The following APOBEC3D variants were observed in gnomAD, a reference collection of about 807,000 sequenced individuals.
The protein encoded by APOBEC3D is apolipoprotein B mRNA editing enzyme catalytic subunit 3D.
APOBEC3D carries 37 observed loss-of-function variants against 45.6 expected under a neutral mutation model. The ratio of observed to expected loss-of-function variants is 0.81; its 90% CI spans 0.62 to 1.07. APOBEC3D has a LOEUF of 1.07. APOBEC3D is among the 50% of genes least tolerant of loss of function. The pLI, the probability that APOBEC3D is intolerant of heterozygous loss-of-function variation, is 0.00. For synonymous variants in APOBEC3D, 175 were observed against 180.7 expected (o/e 0.97, Z 0.25); for missense variants, 496 against 495.3 (o/e 1.00, Z -0.01).
At chr22:39,029,621 C>G in intron 5 of APOBEC3D, 102 bp downstream of exon 5, 2 of 1,289,630 alleles carry the variant, frequency 1.6e-6, no homozygotes, top group Non-Finnish European at 2.1e-6. Context: ...GCTATGTGTA[C>G]TTTCCTCTTA....
chr22:39,029,862 T>C (rs1270973678), intron 5 of APOBEC3D, among the ~76,000 whole-genome samples: 1 of 152,242 alleles, frequency 6.6e-6, no homozygotes, highest in Non-Finnish European at 1.5e-5. Flanking sequence ...CCGCCCCGCT[T>C]GGCCTCCCAA....
chr22:39,021,861 A>T (rs1423468528), intron 1 of APOBEC3D, among the ~76,000 whole-genome samples: 1 of 152,224 alleles, frequency 6.6e-6, no homozygotes, highest in African/African-American at 2.4e-5. Flanking sequence ...GAGCTCAGGA[A>T]CTGGGAGAAT....
At position 39,032,326 on chromosome 22, in the gene APOBEC3D, C is replaced by T; in HGVS notation, c.*10C>T. 6.2e-7 allele frequency: 1 copy of T among 1,613,588 alleles called. No homozygotes were observed. The highest frequency in any genetic ancestry group is 8.5e-7 in the Non-Finnish European group (1 of 1,179,698). On this transcript the variant is annotated 3_prime_UTR_variant, in exon 7 of 7. Transcript: ENST00000216099. ...GGAGATTCTCCAGTGAGGGGTCTCC[C>T]TGGGCCTCATGGTCTGTCTCTTCTA...
chr22:39,028,242 A>C lies in APOBEC3D; in HGVS notation c.606-1121A>C, dbSNP rs117393476. On this transcript the variant is annotated intron_variant, in intron 4 of 6. Coordinates refer to ENST00000216099, the MANE Select transcript of APOBEC3D (RefSeq NM_152426.4). ...ACCTGCAACATGGAGTGTAGGAAAA[A>C]ATATGATCAGGAGAAATGCTCTTAT... is the stretch of plus-strand genomic sequence containing the variant. Among the ~76,000 whole-genome samples, 50 of 152,322 alleles carry C rather than the reference A, an allele frequency of 3.3e-4. 2 individuals are homozygous for C. Among genetic ancestry groups the C allele is most frequent in the Admixed American group, 1.4e-3 (22 of 15,300 alleles).
intron 2 of APOBEC3D, among the ~76,000 whole-genome samples, chr22:39,024,230 G>T (rs1925409577): frequency 6.6e-6 from 1 of 152,188 alleles, no homozygotes; most frequent in Non-Finnish European, 1.5e-5. Flanking sequence ...TATTTTTGAT[G>T]TGCCGAGGTC....
At chr22:39,029,607 C>A (rs1926008631) in intron 5 of APOBEC3D, 88 bp downstream of exon 5, 1 of 1,491,438 alleles carries the variant, frequency 6.7e-7, no homozygotes, top group Non-Finnish European at 9.2e-7. Context: ...CCCGCGTGGG[C>A]TCTGCTATGT....
At chr22:39,027,130 C>T (rs1253969408) in intron 4 of APOBEC3D, among the ~76,000 whole-genome samples, 6 of 152,054 alleles carry the variant, frequency 3.9e-5, no homozygotes, top group Non-Finnish European at 7.4e-5. Context: ...GGTCTTAGAC[C>T]GGAGGAGCAA....
chr22:39,031,659 G>C (rs1360443313), intron 5 of APOBEC3D, 35 bp from the exon 6 acceptor site: 1 of 1,609,830 alleles, frequency 6.2e-7, no homozygotes, highest in South Asian at 1.1e-5. Flanking sequence ...CTCCTGGTCT[G>C]AGCTCCCCCT....
intron 1 of APOBEC3D, 30 bp from the exon 2 acceptor site, chr22:39,022,792 C>T: frequency 6.3e-7 from 1 of 1,594,770 alleles, no homozygotes; most frequent in South Asian, 1.1e-5. Context: ...GGGCTCCCTG[C>T]ATGGGCCGGT....
At position 39,031,690 on chromosome 22, in the gene APOBEC3D, C is replaced by T; in HGVS notation, c.763-4C>T. ...CCCCTGCCCTCCTCCTCCTCCTTCC[C>T]CAGGTGGATCCTGAGACCCATTGTC... On this transcript the variant is annotated splice_region_variant and splice_polypyrimidine_tract_variant and intron_variant, in intron 5 of 6. Transcript: ENST00000216099. 6.2e-7 allele frequency: 1 copy of T among 1,611,298 alleles called. No individual in the cohort carries two copies. Among genetic ancestry groups the T allele is most frequent in the Non-Finnish European group, 8.5e-7 (1 of 1,177,660 alleles).
At position 39,032,871 on chromosome 22, in the gene APOBEC3D, T is replaced by G. The variant is rs1926371740; in HGVS notation, c.*555T>G. On this transcript the variant is annotated 3_prime_UTR_variant, in exon 7 of 7. Coordinates refer to ENST00000216099, the MANE Select transcript of APOBEC3D (RefSeq NM_152426.4). ...CTCAGGTGATCTGCCCATCTCTGTC[T>G]CCCAAAGTGCTGGGATTACGGGCGT... The G allele has an allele frequency of 6.7e-6, 1 of 149,172 alleles. No homozygotes were observed. Among genetic ancestry groups the G allele is most frequent in the South Asian group, 2.1e-4 (1 of 4,738 alleles). The allele number at this position is 149,172 out of a possible 1,614,324, so 9.2% of individuals were successfully genotyped here. A position where few individuals can be genotyped will look rare whatever the true frequency, so the allele number is the denominator to read the frequency against.
chr22:39,027,956 G>A (rs929839828), intron 4 of APOBEC3D, among the ~76,000 whole-genome samples: 3 of 152,232 alleles, frequency 2.0e-5, no homozygotes, highest in African/African-American at 7.2e-5. Context: ...CGCCATTCCT[G>A]AGCTCAGGAA....
intron 5 of APOBEC3D, 131 bp downstream of exon 5, chr22:39,029,650 T>A: frequency 8.1e-7 from 1 of 1,227,910 alleles, no homozygotes; most frequent in East Asian, 2.6e-5. Flanking sequence ...TCTTTTTTTT[T>A]TTTTTAAGAC....
At chr22:39,023,059 C>A in intron 2 of APOBEC3D, 45 bp downstream of exon 2, 1 of 1,461,716 alleles carries the variant, frequency 6.8e-7, no homozygotes, top group Non-Finnish European at 9.1e-7. Flanking sequence ...AAATGTCTGG[C>A]GGCGGGCTCT....
At chr22:39,022,531 C>T (rs1925221149) in intron 1 of APOBEC3D, among the ~76,000 whole-genome samples, 2 of 152,150 alleles carry the variant, frequency 1.3e-5, no homozygotes, top group African/African-American at 4.8e-5. Context: ...TTGCATTTTC[C>T]TAATGGGTTG....
intron 4 of APOBEC3D, 80 bp downstream of exon 4, chr22:39,025,751 C>T (rs1251085076): frequency 1.3e-6 from 2 of 1,598,600 alleles, no homozygotes; most frequent in Admixed American, 3.4e-5. Flanking sequence ...TGGCTGGGCC[C>T]TCCTGCCCTC....
At chr22:39,023,741 G>A (rs1265224268) in intron 2 of APOBEC3D, among the ~76,000 whole-genome samples, 3 of 152,012 alleles carry the variant, frequency 2.0e-5, no homozygotes, top group South Asian at 2.1e-4. Context: ...GAGCCACTGC[G>A]CCTGGCCTCC....
intron 4 of APOBEC3D, among the ~76,000 whole-genome samples, chr22:39,028,816 T>G (rs887098856): frequency 2.0e-5 from 3 of 152,048 alleles, no homozygotes; most frequent in Admixed American, 6.6e-5. Context: ...GCACCTGTAG[T>G]CCCAGCTACT....
intron 3 of APOBEC3D, 97 bp downstream of exon 3, chr22:39,025,446 C>A: frequency 6.2e-7 from 1 of 1,613,606 alleles, no homozygotes; most frequent in Non-Finnish European, 8.5e-7. Flanking sequence ...CCAGGGCAGC[C>A]TGCAGGGGTG....
Sources: gnomAD v4.1 joint callset for allele counts (sites outside exome capture counted in the v4.1 genomes callset) on GRCh38, gnomAD v4.1.1 for gene constraint, MANE v1.5 for transcripts, NCBI Gene and HGNC (gene_info 2026-07-23, HGNC 2026-07-21) for gene names.